Variants in ATAD1 observed in about 807,000 individuals in gnomAD.
ATAD1 encodes outer mitochondrial transmembrane helix translocase.
In ATAD1, 18 loss-of-function variants were observed where a neutral mutation model predicts 42.7. The ratio of observed to expected loss-of-function variants is 0.42; its 90% confidence interval spans 0.29 to 0.63. The LOEUF (loss-of-function observed/expected upper bound fraction) is 0.63, where lower values mean the gene tolerates loss of function less well. Among genes scored for constraint, ATAD1 ranks in the 20% least tolerant of loss-of-function variants. The pLI is 0.19. For missense variants in ATAD1, 294 were observed against 440.4 expected, an observed-to-expected ratio of 0.67 and a Z score of 2.98; for synonymous variants, 132 against 143.1, an observed-to-expected ratio of 0.92 and a Z score of 0.55.
rs1855038252 is a variant in ATAD1, at chr10:87,771,683, T to A, written c.691-642A>T. Among the ~76,000 whole-genome samples the A allele has an allele frequency of 2.6e-5, 4 of 152,020 alleles. No homozygotes were observed. In the Middle Eastern group the frequency reaches 0.01, roughly 388 times the overall value. On this transcript the variant is annotated intron_variant, in intron 6 of 9. Transcript: ENST00000680024. The stretch of plus-strand genomic sequence containing the variant: ...CAAACATCAAAATGCTGGGAAGAAC[T>A]CTTTTTAAAAATGCTGGCAGCCCTG...
At chr10:87,821,495 G>A (rs1440249369), upstream of ATAD1, among the ~76,000 whole-genome samples, 2 of 151,962 alleles carry the variant, frequency 1.3e-5, no homozygotes, top group Non-Finnish European at 2.9e-5. Context: ...TCATGCCACT[G>A]CACTCCAGCC....
In ATAD1 at chr10:87,755,503, A is replaced by G. The variant is rs191354916; in HGVS notation, c.966-696T>C. Reference sequence around the variant, plus strand: ...AGCCAGACTTTTCATACTGAAATACAGTTTTCAGGGCTTTGAGGCAGCAAA... The same window carrying G: ...AGCCAGACTTTTCATACTGAAATACGGTTTTCAGGGCTTTGAGGCAGCAAA... On this transcript the variant is annotated intron_variant, in intron 9 of 9. Transcript: ENST00000680024. Among the ~76,000 whole-genome samples the G allele has an allele frequency of 6.6e-5, 10 of 151,978 alleles. No homozygotes were observed. The East Asian group carries it at 1.2e-3, about 18-fold the overall frequency.
chr10:87,819,619 C>T (rs1197328739), upstream of ATAD1, among the ~76,000 whole-genome samples: 2 of 152,166 alleles, frequency 1.3e-5, no homozygotes, highest in African/African-American at 4.8e-5. Context: ...AAATAGCTAT[C>T]ATTTTCTCCG....
rs530246534 is a variant in ATAD1, at chr10:87,752,455, G to A, written c.*2232C>T. 2 of 152,242 alleles carry A rather than the reference G, an allele frequency of 1.3e-5. No homozygotes were observed. Among genetic ancestry groups the A allele is most frequent in the African/African-American group, 2.4e-5 (1 of 41,554 alleles). The allele number at this position is 152,242 out of a possible 1,614,324, so 9.4% of individuals were successfully genotyped here. Reference sequence around the variant, plus strand: ...AATTCTGTGCCAGGCACTATGCTGAGGGCCTTACATGCATTATTTTATTAT... The same window carrying A: ...AATTCTGTGCCAGGCACTATGCTGAAGGCCTTACATGCATTATTTTATTAT... On this transcript the variant is annotated 3_prime_UTR_variant, in exon 10 of 10. Transcript: ENST00000680024.
At chr10:87,788,874 T>A (rs1249210011) in intron 4 of ATAD1, among the ~76,000 whole-genome samples, 1 of 151,962 alleles carries the variant, frequency 6.6e-6, no homozygotes, top group African/African-American at 2.4e-5. Context: ...TCATTCAAAG[T>A]TTTTTTTGCG....
intron 1 of ATAD1, among the ~76,000 whole-genome samples, chr10:87,825,468 C>T (rs1857709846): frequency 6.6e-6 from 1 of 152,006 alleles, no homozygotes; most frequent in African/African-American, 2.4e-5. Context: ...CGCCACCACA[C>T]CCGGCTAATT....
intron 1 of ATAD1, among the ~76,000 whole-genome samples, chr10:87,829,429 G>C (rs1246320802): frequency 6.6e-6 from 1 of 151,774 alleles, no homozygotes; most frequent in East Asian, 1.9e-4. Flanking sequence ...CTAATTTTTT[G>C]TATTTTAGTA....
intron 8 of ATAD1, 86 bp downstream of exon 8, chr10:87,767,587 T>A: frequency 7.9e-7 from 1 of 1,263,076 alleles, no homozygotes; most frequent in Non-Finnish European, 1.1e-6. Flanking sequence ...TATATCATTC[T>A]CAGATTCCTT....
chr10:87,794,574 C>G (rs574338652), intron 2 of ATAD1, among the ~76,000 whole-genome samples: 7 of 152,276 alleles, frequency 4.6e-5, no homozygotes, highest in African/African-American at 1.7e-4. Context: ...TAGGGTGATA[C>G]CAGCATCTAG....
intron 2 of ATAD1, among the ~76,000 whole-genome samples, chr10:87,798,097 T>C (rs952787178): frequency 1.3e-5 from 2 of 152,038 alleles, no homozygotes; most frequent in Non-Finnish European, 2.9e-5. Context: ...GAAACACACA[T>C]AAGTCCTGAT....
chr10:87,787,359 C>T (rs935105321), intron 4 of ATAD1, among the ~76,000 whole-genome samples: 1 of 152,196 alleles, frequency 6.6e-6, no homozygotes, highest in African/African-American at 2.4e-5. Flanking sequence ...GTGGTTCACA[C>T]CTGTAATCTC....
intron 2 of ATAD1, among the ~76,000 whole-genome samples, chr10:87,799,813 A>C (rs565456753): frequency 6.6e-6 from 1 of 151,940 alleles, no homozygotes; most frequent in Non-Finnish European, 1.5e-5. Context: ...TGTCCTTTTT[A>C]AAAAGGTGAA....
intron 2 of ATAD1, among the ~76,000 whole-genome samples, 167 bp downstream of exon 2, chr10:87,814,271 T>A (rs1188751652): frequency 6.6e-6 from 1 of 152,130 alleles, no homozygotes; most frequent in Admixed American, 6.5e-5. Context: ...AATAATGTCA[T>A]AATAAACTAG....
At chr10:87,811,472 A>G (rs1251380675) in intron 2 of ATAD1, among the ~76,000 whole-genome samples, 1 of 152,096 alleles carries the variant, frequency 6.6e-6, no homozygotes, top group Non-Finnish European at 1.5e-5. Flanking sequence ...ATCTTTCTAT[A>G]CCCTAAATAA....
chr10:87,792,623 T>TAAAAAAAAATAAAAAAAAAA, intron 3 of ATAD1, 34 bp downstream of exon 3: 1 of 806,070 alleles, frequency 1.2e-6, no homozygotes, highest in African/African-American at 1.8e-5. Context: ...CCCCCACCTC[T>TAAAAAAAAATAAAAAAAAAA]AAAAAAATCT....
intron 1 of ATAD1, among the ~76,000 whole-genome samples, chr10:87,832,566 T>C (rs2132112257): frequency 6.6e-6 from 1 of 152,232 alleles, no homozygotes; most frequent in African/African-American, 2.4e-5. Context: ...TCTTCAACCT[T>C]ATTTTTCTTT....
At chr10:87,837,023 CA>C (rs1180104963) in intron 1 of ATAD1, among the ~76,000 whole-genome samples, 2 of 152,048 alleles carry the variant, frequency 1.3e-5, no homozygotes, top group Admixed American at 6.5e-5. Context: ...ATTTCAATTT[CA>C]TTTTTTTATT....
chr10:87,781,665 G>C (rs1219411057), intron 5 of ATAD1, among the ~76,000 whole-genome samples: 3 of 152,004 alleles, frequency 2.0e-5, no homozygotes, highest in Admixed American at 2.0e-4. Context: ...TTTGAAGATG[G>C]GGTCTTGCTC....
intron 2 of ATAD1, among the ~76,000 whole-genome samples, chr10:87,798,520 T>C (rs902932001): frequency 6.6e-6 from 1 of 151,638 alleles, no homozygotes; most frequent in African/African-American, 2.4e-5. Flanking sequence ...TCTACTAAGA[T>C]AAAAACCACT....
Sources: allele counts gnomAD v4.1 joint callset (sites outside exome capture counted in the v4.1 genomes callset), GRCh38; gene constraint gnomAD v4.1.1; transcripts MANE v1.5; gene names NCBI Gene and HGNC (gene_info 2026-07-23, HGNC 2026-07-21).